The following ITPRID1 variants were observed in gnomAD, a reference collection of about 807,000 sequenced individuals.
The protein encoded by ITPRID1 is ITPR interacting domain containing 1.
Under a neutral mutation model 95.4 loss-of-function variants are expected in ITPRID1, and 96 were observed. The observed-to-expected ratio is 1.01, with a 90% CI of 0.85 to 1.19. The LOEUF (loss-of-function observed/expected upper bound fraction) is 1.19. Among genes scored for constraint, ITPRID1 ranks in the 50% most tolerant of loss-of-function variants. The pLI is 0.00. For synonymous variants in ITPRID1, 510 were observed against 453.6 expected, an observed-to-expected ratio of 1.12 and a Z score of -1.58; for missense variants, 1,339 against 1,252.9, an observed-to-expected ratio of 1.07 and a Z score of -1.04.
At chr7:31,645,381 G>A (rs947640366) in intron 12 of ITPRID1, among the ~76,000 whole-genome samples, 15 of 152,080 alleles carry the variant, frequency 9.9e-5, no homozygotes, top group Admixed American at 7.9e-4. Context: ...AGACTCCCAG[G>A]CATTTGGAAT....
chr7:31,620,230 C>A (rs1787713758), intron 10 of ITPRID1, among the ~76,000 whole-genome samples: 1 of 152,276 alleles, frequency 6.6e-6, no homozygotes, highest in East Asian at 1.9e-4. Context: ...TTAAATGTCC[C>A]TGTCTGACAG....
In ITPRID1 at chr7:31,643,093, G is replaced by C. The variant is rs772226215; in HGVS notation, c.1723G>C (p.Glu575Gln). 5.6e-6 allele frequency: 9 copies of C among 1,613,996 alleles called. No individual in the cohort carries two copies. The highest frequency in any genetic ancestry group is 5.9e-6 in the Non-Finnish European group (7 of 1,179,900). The change falls in exon 12 of 15, where the codon GAA (glutamate) becomes CAA (glutamine). Residue 575 changes from glutamate (E) to glutamine (Q), a missense_variant. Glu to Gln is a conservative substitution (Grantham distance 29). Transcript: ENST00000615280. ...GGGGTTTATGGTAACCCACGTCACA[G>C]AAATGCAGGACAGTTTTGTGAGGCC... Reference protein sequence around the residue: ...PLGFMVTHVTEMQDSFVRPEG... With the variant: ...PLGFMVTHVTQMQDSFVRPEG...
At chr7:31,521,115 C>T (rs1208590352) in intron 1 of ITPRID1, among the ~76,000 whole-genome samples, 1 of 151,434 alleles carries the variant, frequency 6.6e-6, no homozygotes, top group Non-Finnish European at 1.5e-5. Context: ...AGTTTTTCTG[C>T]TTGCTGTAGA....
At chr7:31,562,874 C>T (rs1408338409) in intron 5 of ITPRID1, among the ~76,000 whole-genome samples, 2 of 152,126 alleles carry the variant, frequency 1.3e-5, no homozygotes, top group African/African-American at 4.8e-5. Context: ...CCATATTCTC[C>T]ATAAGACCTT....
At chr7:31,524,955 A>G (rs939194675) in intron 1 of ITPRID1, among the ~76,000 whole-genome samples, 1 of 152,148 alleles carries the variant, frequency 6.6e-6, no homozygotes, top group Non-Finnish European at 1.5e-5. Flanking sequence ...ATTCAGGTTC[A>G]GGTGTGAAAT....
chr7:31,587,972 C>G (rs1048815257), intron 10 of ITPRID1, among the ~76,000 whole-genome samples: 54 of 152,122 alleles, frequency 3.5e-4, no homozygotes, highest in Non-Finnish European at 5.9e-4. Flanking sequence ...TTCCTTACAC[C>G]TTAGACAAAT....
At chr7:31,589,248 A>T (rs1382801871) in intron 10 of ITPRID1, among the ~76,000 whole-genome samples, 1 of 152,130 alleles carries the variant, frequency 6.6e-6, no homozygotes, top group Non-Finnish European at 1.5e-5. Flanking sequence ...GGATTTTAAT[A>T]TATCTATAGA....
rs746970397 is a variant in ITPRID1, at chr7:31,642,668, G to A, written c.1312-14G>A. ...TTCCTGACCTGTTTCCCTTTGTCCTGGTTTCCCCTACAGATGCCTTCCTTG... is the reference window on the plus strand; with the variant it reads ...TTCCTGACCTGTTTCCCTTTGTCCTAGTTTCCCCTACAGATGCCTTCCTTG... On this transcript the variant is annotated splice_polypyrimidine_tract_variant and intron_variant, in intron 11 of 14. Transcript: ENST00000615280. 1 of 1,609,256 alleles carries A rather than the reference G, an allele frequency of 6.2e-7. No individual in the cohort carries two copies. Among genetic ancestry groups the A allele is most frequent in the East Asian group, 2.2e-5 (1 of 44,804 alleles).
intron 5 of ITPRID1, among the ~76,000 whole-genome samples, chr7:31,562,499 TATAAA>T (rs1470829782): frequency 8.5e-5 from 13 of 152,196 alleles, no homozygotes; most frequent in African/African-American, 7.2e-5. Flanking sequence ...AATAGGAACT[TATAAA>T]ATAAAAAATA....
Position 31,652,772 on chromosome 7 carries a change from T to A in ITPRID1, c.3078T>A (p.Gly1026=). The change falls in exon 15 of 15, where the codon GGT becomes GGA. Residue 1026 remains glycine (G), a synonymous_variant. Transcript: ENST00000615280. The stretch of plus-strand genomic sequence containing the variant: ...CATCATCAGCTTGGGCAAAGTTAGG[T>A]CCAACCCCTTTGTCAAATTGTCCTG... The part of the protein sequence containing the change: ...SPSSSAWAKL[G]PTPLSNCPVG... 6.2e-7 allele frequency: 1 copy of A among 1,613,838 alleles called. No individual in the cohort carries two copies. The highest frequency in any genetic ancestry group is 8.5e-7 in the Non-Finnish European group (1 of 1,179,842).
intron 9 of ITPRID1, among the ~76,000 whole-genome samples, chr7:31,580,427 C>T (rs954634745): frequency 1.2e-4 from 19 of 152,022 alleles, no homozygotes; most frequent in Admixed American, 1.2e-3. Flanking sequence ...TCTTCTGCTT[C>T]AAACTAGACT....
At chr7:31,586,129 G>A (rs1228094119) in intron 10 of ITPRID1, among the ~76,000 whole-genome samples, 2 of 135,710 alleles carry the variant, frequency 1.5e-5, no homozygotes, top group Non-Finnish European at 3.1e-5. Context: ...TGAGAATGAT[G>A]ATTTCCAATT....
chr7:31,517,791 GC>G (rs1182639702), intron 1 of ITPRID1: 1 of 152,452 alleles, frequency 6.6e-6, no homozygotes. Context: ...GGCTCCTCGA[GC>G]GTGGCCAGAG....
chr7:31,533,238 CAGTT>C (rs1016894167), intron 1 of ITPRID1, among the ~76,000 whole-genome samples: 2 of 151,970 alleles, frequency 1.3e-5, no homozygotes, highest in African/African-American at 4.8e-5. Flanking sequence ...TAGTTTTAGT[CAGTT>C]GAGTTTTCCA....
At chr7:31,578,889 G>T (rs1257417873) in intron 9 of ITPRID1, among the ~76,000 whole-genome samples, 1 of 152,104 alleles carries the variant, frequency 6.6e-6, no homozygotes, top group Non-Finnish European at 1.5e-5. Context: ...TGTCAATGCT[G>T]TCTCCCCAAA....
At chr7:31,634,475 T>C (rs1443655331) in intron 10 of ITPRID1, among the ~76,000 whole-genome samples, 1 of 152,164 alleles carries the variant, frequency 6.6e-6, no homozygotes, top group African/African-American at 2.4e-5. Flanking sequence ...ACTTTCCCTA[T>C]GAGGGGACAG....
downstream of ITPRID1, among the ~76,000 whole-genome samples, chr7:31,656,818 C>G (rs955670097): frequency 6.6e-6 from 1 of 152,044 alleles, no homozygotes; most frequent in Admixed American, 6.6e-5. Context: ...GGTCTCCAAA[C>G]ATTTAATGGT....
chr7:31,580,164 G>A (rs1026873182), intron 9 of ITPRID1, among the ~76,000 whole-genome samples: 4 of 151,898 alleles, frequency 2.6e-5, no homozygotes, highest in Non-Finnish European at 4.4e-5. Context: ...TCGGTGTGGT[G>A]GAGGGTGCCT....
At chr7:31,566,480 C>G (rs1784805429) in intron 5 of ITPRID1, among the ~76,000 whole-genome samples, 1 of 152,108 alleles carries the variant, frequency 6.6e-6, no homozygotes, top group Non-Finnish European at 1.5e-5. Flanking sequence ...AATGGGTGTT[C>G]AAAAACTCTC....
Sources: gnomAD v4.1 joint callset for allele counts (sites outside exome capture counted in the v4.1 genomes callset) on GRCh38, gnomAD v4.1.1 for gene constraint, MANE v1.5 for transcripts, NCBI Gene and HGNC (gene_info 2026-07-23, HGNC 2026-07-21) for gene names.